PGAP1: variants seen among roughly 807,000 people sequenced by gnomAD.
PGAP1 encodes the protein GPI inositol-deacylase.
A neutral mutation model predicts 127.0 loss-of-function variants in PGAP1; 76 were observed. That is an observed-to-expected ratio of 0.60 (90% CI 0.50 to 0.72). PGAP1 has a LOEUF of 0.72. Among genes scored for constraint, PGAP1 ranks in the 30% least tolerant of loss-of-function variants. The pLI, the probability that PGAP1 is intolerant of heterozygous loss-of-function variation, is 0.00. For synonymous variants in PGAP1, 362 were observed against 366.5 expected (o/e 0.99, Z 0.14); for missense variants, 982 against 1,071.3 (o/e 0.92, Z 1.16).
intron 4 of PGAP1, among the ~76,000 whole-genome samples, chr2:196,903,991 CTGACTCTTAACATCTG>C (rs1702594025): frequency 6.6e-6 from 1 of 152,210 alleles, no homozygotes; most frequent in South Asian, 2.1e-4. Context: ...ACCTAGCAGA[CTGACTCTTAACATCTG>C]GAGAGCCTGG....
At position 196,865,082 on chromosome 2, in the gene PGAP1, TA is replaced by T; in HGVS notation, c.1768-3del. The T allele has an allele frequency of 6.6e-7, 1 of 1,525,364 alleles. No individual in the cohort carries two copies. Among genetic ancestry groups the T allele is most frequent in the Admixed American group, 2.3e-5 (1 of 43,902 alleles). The allele number at this position is 1,525,364 out of a possible 1,614,324, so 94.5% of individuals were successfully genotyped here. On this transcript the variant is annotated splice_polypyrimidine_tract_variant and splice_region_variant and intron_variant, in intron 19 of 26. Transcript: ENST00000354764. ...AGCTCCACCATGAAATCTAACTACCTAAAAAACAGGTAAGTCAATGGGCAAC... is the reference window on the plus strand; with the variant it reads ...AGCTCCACCATGAAATCTAACTACCTAAAAACAGGTAAGTCAATGGGCAAC...
rs767513045 is a variant in PGAP1 at position 196,912,958 on chromosome 2, A to G, written c.573T>C (p.His191=). Residue 191 remains histidine (H), a synonymous_variant, in exon 4 of 27, where the codon CAT becomes CAC. Coordinates refer to ENST00000354764, the MANE Select transcript of PGAP1 (RefSeq NM_024989.4). The stretch of plus-strand genomic sequence containing the variant: ...GTGTAATAAGAAGATTTATCAGATC[A>G]TGCTTAAAATTTTTCAGTGTAAGCA... ...RALLTLKNFK[H]DLINLLITQA... The G allele has an allele frequency of 1.2e-6, 2 of 1,613,864 alleles. No homozygotes were observed. Among genetic ancestry groups the G allele is most frequent in the Admixed American group, 1.7e-5 (1 of 59,952 alleles).
intron 2 of PGAP1, among the ~76,000 whole-genome samples, chr2:196,917,929 T>C (rs1703069349): frequency 6.6e-6 from 1 of 152,184 alleles, no homozygotes. Flanking sequence ...CCAAAGTGGC[T>C]GCACATTTTA....
chr2:196,925,116 C>T (rs1369043487), intron 1 of PGAP1, among the ~76,000 whole-genome samples: 1 of 151,370 alleles, frequency 6.6e-6, no homozygotes, highest in African/African-American at 2.4e-5. Flanking sequence ...AAAATCTTCT[C>T]CTTCGATAGC....
At position 196,886,023 on chromosome 2, in the gene PGAP1, T is replaced by C. The variant is rs1701892459; in HGVS notation, c.1174-143A>G. ...GTGAAACGTAAATAACAGCTTATTGTTGAGAAACATATCCAAGATGTTCTC... is the reference window on the plus strand; with the variant it reads ...GTGAAACGTAAATAACAGCTTATTGCTGAGAAACATATCCAAGATGTTCTC... On this transcript the variant is annotated intron_variant, in intron 10 of 26. Coordinates refer to ENST00000354764, the MANE Select transcript of PGAP1 (RefSeq NM_024989.4). 1.6e-5 allele frequency: 7 copies of C among 439,424 alleles called. No homozygotes were observed. The East Asian group carries it at 2.2e-4, about 14-fold the overall frequency. The allele number at this position is 439,424 out of a possible 1,614,324, so 27.2% of individuals were successfully genotyped here.
rs750190758 is a variant in PGAP1, at chr2:196,841,195, A to G, written c.*39T>C. The stretch of plus-strand genomic sequence containing the variant: ...TGTGTTCCCTCTTATCACTGGCCCT[A>G]AACACATAAATTATCTTCATCATTC... On this transcript the variant is annotated 3_prime_UTR_variant, in exon 27 of 27. Coordinates refer to ENST00000354764, the MANE Select transcript of PGAP1 (RefSeq NM_024989.4). 1.3e-6 allele frequency: 2 copies of G among 1,592,596 alleles called. No individual in the cohort carries two copies. Among genetic ancestry groups the G allele is most frequent in the Non-Finnish European group, 8.6e-7 (1 of 1,168,552 alleles).
chr2:196,904,982 A>T (rs1019515698), intron 4 of PGAP1, among the ~76,000 whole-genome samples: 1 of 152,194 alleles, frequency 6.6e-6, no homozygotes, highest in Non-Finnish European at 1.5e-5. Flanking sequence ...TGTCTCTCAA[A>T]ACCTTAAAAT....
chr2:196,874,712 C>T (rs1701508785), intron 14 of PGAP1, among the ~76,000 whole-genome samples: 1 of 152,116 alleles, frequency 6.6e-6, no homozygotes, highest in South Asian at 2.1e-4. Flanking sequence ...TAACCTCAAT[C>T]TAATCATAAG....
chr2:196,879,678 G>C (rs1305198873), intron 13 of PGAP1, among the ~76,000 whole-genome samples: 2 of 152,134 alleles, frequency 1.3e-5, no homozygotes, highest in African/African-American at 2.4e-5. Flanking sequence ...CTGGGTGACA[G>C]AGCAAGACTC....
intron 20 of PGAP1, among the ~76,000 whole-genome samples, chr2:196,850,842 A>G (rs1485612015): frequency 9.9e-5 from 15 of 152,150 alleles, no homozygotes; most frequent in Non-Finnish European, 2.2e-4. Flanking sequence ...AGAAGTATAC[A>G]TATTATGAAC....
In PGAP1 at chr2:196,837,491, G is replaced by C. The variant is rs1245220216; in HGVS notation, c.*3743C>G. 1 of 152,076 alleles carries C rather than the reference G, an allele frequency of 6.6e-6. No individual in the cohort carries two copies. Among genetic ancestry groups the C allele is most frequent in the Non-Finnish European group, 1.5e-5 (1 of 68,026 alleles). The allele number at this position is 152,076 out of a possible 1,614,324, so 9.4% of individuals were successfully genotyped here. A position where few individuals can be genotyped will look rare whatever the true frequency, so the allele number is the denominator to read the frequency against. On this transcript the variant is annotated 3_prime_UTR_variant, in exon 27 of 27. Transcript: ENST00000354764. ...AAAAAATTAAAAAGTCAGGCACAGT[G>C]GCATGTACCTGTAGTCTCACCTGCT...
chr2:196,872,729 A>G (rs1701448608), intron 17 of PGAP1, 180 bp from the exon 18 acceptor site: 1 of 588,642 alleles, frequency 1.7e-6, no homozygotes, highest in South Asian at 2.4e-5. Context: ...CCTCTAGGAC[A>G]CAGGAGTTGC....
At chr2:196,871,009 G>A (rs183000517) in intron 18 of PGAP1, 30 bp from the exon 19 acceptor site, 2 of 1,507,806 alleles carry the variant, frequency 1.3e-6, no homozygotes, top group Non-Finnish European at 1.8e-6. Context: ...GAAAAAAAAG[G>A]TTATTTTCCT....
rs1264841674 is a variant in PGAP1, at chr2:196,833,760, C to T, written c.*7474G>A. Reference sequence around the variant, plus strand: ...AAAATATACAACAACTGTGAGTACACAGAAATGTGGGCATCTTTTATCAGA... The same window carrying T: ...AAAATATACAACAACTGTGAGTACATAGAAATGTGGGCATCTTTTATCAGA... On this transcript the variant is annotated 3_prime_UTR_variant, in exon 27 of 27. Transcript: ENST00000354764. 1 of 152,008 alleles carries T rather than the reference C, an allele frequency of 6.6e-6. No homozygotes were observed. Among genetic ancestry groups the T allele is most frequent in the Non-Finnish European group, 1.5e-5 (1 of 67,958 alleles). 9.4% of individuals were successfully genotyped at this position (152,008 alleles called of 1,614,324 possible). A position where few individuals can be genotyped will look rare whatever the true frequency, so the allele number is the denominator to read the frequency against.
In PGAP1 at chr2:196,834,367, C is replaced by T. The variant is rs1700178831; in HGVS notation, c.*6867G>A. The T allele has an allele frequency of 1.3e-5, 2 of 152,374 alleles. No homozygotes were observed. The highest frequency in any genetic ancestry group is 2.9e-5 in the Non-Finnish European group (2 of 67,880). The allele number at this position is 152,374 out of a possible 1,614,324, so 9.4% of individuals were successfully genotyped here. A position where few individuals can be genotyped will look rare whatever the true frequency, so the allele number is the denominator to read the frequency against. On this transcript the variant is annotated 3_prime_UTR_variant, in exon 27 of 27. Transcript: ENST00000354764. ...TTTTAAACTTTTATTTCACCAACCT[C>T]GAAGACAAGGATTTGGGGCCAATTT... is the stretch of plus-strand genomic sequence containing the variant.
intron 20 of PGAP1, among the ~76,000 whole-genome samples, chr2:196,864,732 G>A (rs1044158110): frequency 8.5e-5 from 13 of 152,188 alleles, no homozygotes; most frequent in African/African-American, 2.4e-4. Context: ...TAGTGGAAAC[G>A]TAATAAAGAT....
rs983042203 is a variant in PGAP1, at chr2:196,926,621, C to G, written c.-5G>C. On this transcript the variant is annotated 5_prime_UTR_variant, in exon 1 of 27. Transcript: ENST00000354764. ...ATTAACTGAGTGAAGAAACATGGTG[C>G]CGCCACCACCGCCGCCGCCGCCGCC... The G allele has an allele frequency of 9.3e-6, 15 of 1,613,196 alleles. No individual in the cohort carries two copies. Among genetic ancestry groups the G allele is most frequent in the Admixed American group, 1.7e-5 (1 of 60,006 alleles).
intron 3 of PGAP1, 28 bp from the exon 4 acceptor site, chr2:196,913,081 T>G (rs369010127): frequency 6.4e-7 from 1 of 1,572,982 alleles, no homozygotes; most frequent in Non-Finnish European, 8.6e-7. Flanking sequence ...CAGGTCATAA[T>G]TGCGGCTTTG....
chr2:196,895,358 A>G (rs1702239435), intron 7 of PGAP1, among the ~76,000 whole-genome samples: 1 of 152,166 alleles, frequency 6.6e-6, no homozygotes, highest in South Asian at 2.1e-4. Context: ...CACCAGTCGG[A>G]ATAAGGTTTT....
Sources: allele counts gnomAD v4.1 joint callset (sites outside exome capture counted in the v4.1 genomes callset), GRCh38; gene constraint gnomAD v4.1.1; transcripts MANE v1.5; gene names NCBI Gene and HGNC (gene_info 2026-07-23, HGNC 2026-07-21).